DTNA: variants seen among roughly 807,000 people sequenced by gnomAD.
DTNA encodes dystrophin-related protein 3.
A neutral mutation model predicts 100.7 loss-of-function variants in DTNA; 43 were observed. That is an observed-to-expected ratio of 0.43 (90% CI 0.33 to 0.55). The LOEUF is 0.55. Among genes scored for constraint, DTNA ranks in the 20% least tolerant of loss-of-function variants. The pLI is 0.04. For synonymous variants in DTNA, 349 were observed against 347.9 expected, an observed-to-expected ratio of 1.00 and a Z score of -0.04; for missense variants, 798 against 953.9, an observed-to-expected ratio of 0.84 and a Z score of 2.15.
intron 1 of DTNA, among the ~76,000 whole-genome samples, chr18:34,564,943 G>C (rs1182910455): frequency 6.6e-6 from 1 of 152,158 alleles, no homozygotes; most frequent in Non-Finnish European, 1.5e-5. Context: ...TAAAACATAT[G>C]TAATTATGAG....
chr18:34,521,909 A>G (rs1447116294), intron 1 of DTNA, among the ~76,000 whole-genome samples: 2 of 152,194 alleles, frequency 1.3e-5, no homozygotes, highest in East Asian at 1.9e-4. Flanking sequence ...CCCCACTACA[A>G]TGTAAGCTGC....
chr18:34,556,054 C>T (rs1212564180), intron 1 of DTNA, among the ~76,000 whole-genome samples: 2 of 151,040 alleles, frequency 1.3e-5, no homozygotes, highest in African/African-American at 2.4e-5. Context: ...CTGGGTGCTC[C>T]TGTATTGGGT....
intron 13 of DTNA, among the ~76,000 whole-genome samples, chr18:34,839,831 A>G (rs915973994): frequency 3.3e-5 from 5 of 152,158 alleles, no homozygotes; most frequent in Non-Finnish European, 1.5e-5. Context: ...AATTGGCAAA[A>G]TTAATGGCAA....
intron 1 of DTNA, among the ~76,000 whole-genome samples, chr18:34,677,996 T>TA (rs1357059336): frequency 6.6e-6 from 1 of 152,202 alleles, no homozygotes; most frequent in Non-Finnish European, 1.5e-5. Flanking sequence ...TCAGGAAACT[T>TA]ACAGTCGTGG....
intron 4 of DTNA, among the ~76,000 whole-genome samples, chr18:34,804,888 C>T (rs571797920): frequency 5.3e-5 from 8 of 152,096 alleles, no homozygotes; most frequent in East Asian, 1.9e-4. Context: ...AAAATGACAG[C>T]GACAGTGATA....
At chr18:34,616,144 G>A (rs954999772) in intron 1 of DTNA, among the ~76,000 whole-genome samples, 2 of 152,096 alleles carry the variant, frequency 1.3e-5, no homozygotes, top group Non-Finnish European at 2.9e-5. Flanking sequence ...TCTCTTTTAA[G>A]TTATCTGAGA....
chr18:34,774,777 G>A (rs1371539443), intron 3 of DTNA, among the ~76,000 whole-genome samples: 1 of 152,212 alleles, frequency 6.6e-6, no homozygotes, highest in African/African-American at 2.4e-5. Flanking sequence ...TAATAGAAAA[G>A]TGGAAGATTT....
intron 3 of DTNA, among the ~76,000 whole-genome samples, chr18:34,772,748 G>A (rs1217920257): frequency 6.6e-6 from 1 of 152,164 alleles, no homozygotes; most frequent in Non-Finnish European, 1.5e-5. Flanking sequence ...GCTTAAAGAA[G>A]CACACATTTA....
intron 1 of DTNA, among the ~76,000 whole-genome samples, chr18:34,501,400 A>G (rs191985509): frequency 6.6e-6 from 1 of 152,300 alleles, no homozygotes; most frequent in East Asian, 1.9e-4. Context: ...ATCTATATTC[A>G]TGAGGAATAT....
At chr18:34,618,169 T>C (rs2055711033) in intron 1 of DTNA, among the ~76,000 whole-genome samples, 1 of 152,088 alleles carries the variant, frequency 6.6e-6, no homozygotes, top group East Asian at 1.9e-4. Flanking sequence ...AGTACAAGGG[T>C]CAAGAGTCGA....
Position 34,716,280 on chromosome 18 carries a change from G to A in DTNA, c.-2+5835G>A, listed in dbSNP as rs538726409. ...AGAAGCTATAAAGCTGTAAGAAGTCGGCCGGGCACCGTGGCTCACACCTGT... is the reference window on the plus strand; with the variant it reads ...AGAAGCTATAAAGCTGTAAGAAGTCAGCCGGGCACCGTGGCTCACACCTGT... On this transcript the variant is annotated intron_variant, in intron 1 of 22. Transcript: ENST00000444659. 1.8e-4 allele frequency among the ~76,000 whole-genome samples: 27 copies of A among 152,288 alleles called. No homozygotes were observed. The South Asian group carries it at 5.0e-3, about 28-fold the overall frequency.
chr18:34,713,199 ATAGAT>A (rs2083256563), intron 1 of DTNA, among the ~76,000 whole-genome samples: 1 of 152,156 alleles, frequency 6.6e-6, no homozygotes, highest in African/African-American at 2.4e-5. Flanking sequence ...GGAGAATAAG[ATAGAT>A]TAGAAAGCTC....
chr18:34,886,735 C>T (rs2096925310), intron 22 of DTNA, among the ~76,000 whole-genome samples: 1 of 152,164 alleles, frequency 6.6e-6, no homozygotes, highest in African/African-American at 2.4e-5. Context: ...CTGTAGCCTA[C>T]CTAGCTGGAA....
chr18:34,530,757 T>C (rs2043060226), intron 1 of DTNA, among the ~76,000 whole-genome samples: 1 of 152,080 alleles, frequency 6.6e-6, no homozygotes, highest in Non-Finnish European at 1.5e-5. Context: ...CACTAAATAG[T>C]AGAGCCAGAA....
intron 1 of DTNA, among the ~76,000 whole-genome samples, chr18:34,586,946 A>G (rs1179426679): frequency 6.6e-6 from 1 of 151,716 alleles, no homozygotes; most frequent in East Asian, 1.9e-4. Flanking sequence ...GGGTATAGAA[A>G]AAATACAACA....
At chr18:34,574,008 G>T in intron 1 of DTNA, 1 of 156,384 alleles carries the variant, frequency 6.4e-6, no homozygotes. Flanking sequence ...CTTGCCCATG[G>T]TGCTCTTCAT....
chr18:34,765,933 C>T (rs906553537), intron 2 of DTNA, 28 bp from the exon 3 acceptor site: 1 of 1,609,324 alleles, frequency 6.2e-7, no homozygotes, highest in Non-Finnish European at 8.5e-7. Context: ...ACATGGCATA[C>T]CTTATGTGTC....
chr18:34,546,277 A>G (rs2044766820), intron 1 of DTNA, among the ~76,000 whole-genome samples: 1 of 152,118 alleles, frequency 6.6e-6, no homozygotes, highest in South Asian at 2.1e-4. Context: ...AACCAAAGGC[A>G]TACATGTCAG....
chr18:34,888,907 C>A lies in DTNA; in HGVS notation c.*1173C>A. 1 of 985,854 alleles carries A rather than the reference C, an allele frequency of 1.0e-6. No homozygotes were observed. Among genetic ancestry groups the A allele is most frequent in the Non-Finnish European group, 1.2e-6 (1 of 829,946 alleles). The allele number at this position is 985,854 out of a possible 1,614,324, so 61.1% of individuals were successfully genotyped here. On this transcript the variant is annotated 3_prime_UTR_variant, in exon 23 of 23. Transcript: ENST00000444659. The stretch of plus-strand genomic sequence containing the variant: ...CCTTAGCTGGCCACCTGGTGTTCTG[C>A]ATGTAGCCTTCTGTGGTCATGTGAA...
Sources: gnomAD v4.1 joint callset for allele counts (sites outside exome capture counted in the v4.1 genomes callset) on GRCh38, gnomAD v4.1.1 for gene constraint, MANE v1.5 for transcripts, NCBI Gene and HGNC (gene_info 2026-07-23, HGNC 2026-07-21) for gene names.